The following MIS18A variants were observed in gnomAD, a reference collection of about 807,000 sequenced individuals.
MIS18A encodes the protein protein Mis18-alpha.
A neutral mutation model predicts 25.0 loss-of-function variants in MIS18A; 14 were observed. The ratio of observed to expected loss-of-function variants is 0.56; its 90% CI spans 0.37 to 0.88. The LOEUF is 0.88. Ranked by LOEUF, MIS18A falls within the 40% of genes least tolerant of loss-of-function variation. The pLI is 0.00. For missense variants in MIS18A, 292 were observed against 290.8 expected, an observed-to-expected ratio of 1.00 and a Z score of -0.03; for synonymous variants, 134 against 118.6, an observed-to-expected ratio of 1.13 and a Z score of -0.84.
At chr21:32,193,843 ACT>A in the MIS18A span, among the ~76,000 whole-genome samples, 4 of 151,888 alleles carry the variant, frequency 2.6e-5, no homozygotes, top group Non-Finnish European at 5.9e-5. Context: ...TTGGCATAAA[ACT>A]CTGAAATGGC....
chr21:32,206,341 A>G, the MIS18A span, among the ~76,000 whole-genome samples: 1 of 152,106 alleles, frequency 6.6e-6, no homozygotes, highest in African/African-American at 2.4e-5. Context: ...GGACTCATCT[A>G]ATCTCCAACT....
At chr21:32,177,419 T>A in the MIS18A span, among the ~76,000 whole-genome samples, 1 of 152,164 alleles carries the variant, frequency 6.6e-6, no homozygotes, top group Non-Finnish European at 1.5e-5. Flanking sequence ...CTGCTTTCAC[T>A]GTAACTATAT....
In MIS18A at chr21:32,270,426, T is replaced by C. The variant is rs760121121; in HGVS notation, c.505A>G (p.Ser169Gly). The stretch of plus-strand genomic sequence containing the variant: ...ACTTACCTTTCAATGGCTTCAACAC[T>C]GAGGCAAAACAAGTCTCTCTTGTAA... Reference protein sequence around the residue: ...LDYKRDLFCLSVEAIESYVLG... With the variant: ...LDYKRDLFCLGVEAIESYVLG... Residue 169 changes from serine to glycine, a missense_variant, in exon 3 of 5, where the codon AGT (serine) becomes GGT (glycine). By Grantham distance (56) the Ser-to-Gly change is moderately conservative (BLOSUM62 0). Coordinates refer to ENST00000290130, the MANE Select transcript of MIS18A (RefSeq NM_018944.3). 14 of 1,613,800 alleles carry C rather than the reference T, an allele frequency of 8.7e-6. No individual in the cohort carries two copies. The highest frequency in any genetic ancestry group is 4.5e-5 in the East Asian group (2 of 44,872).
chr21:32,252,236 A>AAGAAGAAGG, the MIS18A span, among the ~76,000 whole-genome samples: 1 of 36,810 alleles, frequency 2.7e-5, no homozygotes, highest in South Asian at 1.5e-3. Context: ...GAAGAAGAAG[A>AAGAAGAAGG]AGAAGGAGGA....
the MIS18A span, among the ~76,000 whole-genome samples, chr21:32,164,328 C>T: frequency 7.2e-5 from 11 of 152,258 alleles, no homozygotes; most frequent in East Asian, 2.1e-3. Flanking sequence ...ACAGTCAGTC[C>T]ACCCCGTAGC....
chr21:32,274,965 T>C lies in MIS18A; in HGVS notation c.335-69A>G, dbSNP rs189703002. 443 of 1,311,456 alleles carry C rather than the reference T, an allele frequency of 3.4e-4. 1 individual carries two copies. The highest frequency in any genetic ancestry group is 1.5e-3 in the Admixed American group (70 of 46,030). 81.2% of individuals were successfully genotyped at this position (1,311,456 alleles called of 1,614,324 possible). ...TATAACATACCTGCAGACAGAGAGT[T>C]TCTAATCCAACTTTTTAGAACTCGG... On this transcript the variant is annotated intron_variant, in intron 1 of 4. Transcript: ENST00000290130.
the MIS18A span, among the ~76,000 whole-genome samples, chr21:32,217,997 T>C: frequency 1.8e-4 from 27 of 151,776 alleles, no homozygotes; most frequent in African/African-American, 6.5e-4. Flanking sequence ...ATCGATACCA[T>C]CCTGGCTAAC....
the MIS18A span, among the ~76,000 whole-genome samples, chr21:32,196,641 A>T: frequency 6.6e-6 from 1 of 151,912 alleles, no homozygotes; most frequent in Admixed American, 6.6e-5. Context: ...TTTTGTAGAG[A>T]TGGGGTTTTG....
the MIS18A span, among the ~76,000 whole-genome samples, chr21:32,206,186 A>C: frequency 6.6e-6 from 1 of 152,148 alleles, no homozygotes; most frequent in South Asian, 2.1e-4. Flanking sequence ...ATAGGTCTCC[A>C]CAGGCTCTTG....
At chr21:32,190,040 G>C in the MIS18A span, among the ~76,000 whole-genome samples, 7 of 152,130 alleles carry the variant, frequency 4.6e-5, no homozygotes, top group African/African-American at 1.7e-4. Context: ...GGATCCATCA[G>C]CAAATGTGAA....
At chr21:32,174,912 CAG>C in the MIS18A span, among the ~76,000 whole-genome samples, 1 of 152,170 alleles carries the variant, frequency 6.6e-6, no homozygotes, top group African/African-American at 2.4e-5. Context: ...TGAAATCACT[CAG>C]AGTAAATTTT....
the MIS18A span, among the ~76,000 whole-genome samples, chr21:32,252,233 AAGAAGAAGGAGGAGGAGGAGG>A: frequency 0.012 from 658 of 53,810 alleles, 2 homozygotes; most frequent in African/African-American, 0.026. Flanking sequence ...GAAGAAGAAG[AAGAAGAAGGAGGAGGAGGAGG>A]AGGAGGAGGA....
Position 32,278,663 on chromosome 21 carries a change from C to T in MIS18A, c.334+18G>A, listed in dbSNP as rs2031866058. ...AAGGCGACCCCACGCCCCCCCTGCC[C>T]GGCTCGACCCAACTGACAGCGAAGC... is the stretch of plus-strand genomic sequence containing the variant. On this transcript the variant is annotated intron_variant, in intron 1 of 4. Coordinates refer to ENST00000290130, the MANE Select transcript of MIS18A (RefSeq NM_018944.3). 4.7e-6 allele frequency: 7 copies of T among 1,502,034 alleles called. No homozygotes were observed. In the South Asian group the frequency reaches 7.7e-5, roughly 17 times the overall value. 93.0% of individuals were successfully genotyped at this position (1,502,034 alleles called of 1,614,324 possible).
chr21:32,189,687 T>A, the MIS18A span, among the ~76,000 whole-genome samples: 1 of 152,118 alleles, frequency 6.6e-6, no homozygotes, highest in African/African-American at 2.4e-5. Flanking sequence ...ACCCCAAAAC[T>A]CAGCTCCCTT....
the MIS18A span, chr21:32,261,493 A>G: frequency 6.6e-6 from 1 of 152,240 alleles, no homozygotes; most frequent in Admixed American, 6.5e-5. Context: ...TAAAGAATCA[A>G]TAGAGTGGTT....
At chr21:32,259,904 T>G in the MIS18A span, 1 of 152,220 alleles carries the variant, frequency 6.6e-6, no homozygotes, top group South Asian at 2.1e-4. Context: ...AGATGGGTAA[T>G]TACACATGTA....
chr21:32,161,690 C>T, the MIS18A span, among the ~76,000 whole-genome samples: 2 of 147,960 alleles, frequency 1.4e-5, no homozygotes, highest in African/African-American at 5.0e-5. Context: ...TGGGATTTCA[C>T]CATGTTGCCC....
chr21:32,263,807 CTTT>C (rs60800890), downstream of MIS18A, among the ~76,000 whole-genome samples: 5 of 121,104 alleles, frequency 4.1e-5, no homozygotes, highest in African/African-American at 8.9e-5. Flanking sequence ...GGGAAGCCTT[CTTT>C]TTTTTTTTTT....
the MIS18A span, among the ~76,000 whole-genome samples, chr21:32,261,992 A>G: frequency 3.9e-5 from 6 of 152,240 alleles, no homozygotes; most frequent in South Asian, 2.1e-4. Flanking sequence ...TAACTGACGC[A>G]ATGTCCCTTT....
Sources: allele counts gnomAD v4.1 joint callset (sites outside exome capture counted in the v4.1 genomes callset), GRCh38; gene constraint gnomAD v4.1.1; transcripts MANE v1.5; gene names NCBI Gene and HGNC (gene_info 2026-07-23, HGNC 2026-07-21).